AKAP13: variants seen among roughly 807,000 people sequenced by gnomAD.
AKAP13 encodes A-kinase anchoring protein 13.
Under a neutral mutation model 264.5 loss-of-function variants are expected in AKAP13, and 80 were observed. That is an observed-to-expected ratio of 0.30 (90% CI 0.25 to 0.36). AKAP13 has a LOEUF of 0.36. Ranked by LOEUF, AKAP13 falls within the 10% of genes least tolerant of loss-of-function variation. The probability of loss-of-function intolerance (pLI) is 1.00; values close to 1 mark genes in which losing one functional copy is unlikely to be tolerated. For missense variants in AKAP13, 3,712 were observed against 3,435.2 expected, an observed-to-expected ratio of 1.08 and a Z score of -2.01; for synonymous variants, 1,380 against 1,250.2, an observed-to-expected ratio of 1.10 and a Z score of -2.19.
intron 2 of AKAP13, among the ~76,000 whole-genome samples, chr15:85,496,480 A>G (rs1255638497): frequency 6.6e-6 from 1 of 152,220 alleles, no homozygotes; most frequent in Non-Finnish European, 1.5e-5. Context: ...TCAGTTAAAA[A>G]AATTTATTCC....
chr15:85,666,698 G>A (rs1267447245), intron 13 of AKAP13, among the ~76,000 whole-genome samples: 2 of 152,186 alleles, frequency 1.3e-5, no homozygotes, highest in African/African-American at 2.4e-5. Flanking sequence ...ACAGGTGTGA[G>A]CCACTGTGCC....
At chr15:85,582,999 ATAAAAC>A (rs2079186615) in intron 7 of AKAP13, 2 of 985,342 alleles carry the variant, frequency 2.0e-6, no homozygotes, top group African/African-American at 3.5e-5. Flanking sequence ...AACTATCTGA[ATAAAAC>A]TTCTTAACGG....
intron 9 of AKAP13, among the ~76,000 whole-genome samples, chr15:85,640,778 A>C (rs961672258): frequency 2.0e-5 from 3 of 152,208 alleles, no homozygotes; most frequent in Admixed American, 6.5e-5. Context: ...TCTGCCAAGT[A>C]AAGGTTAAAT....
intron 14 of AKAP13, among the ~76,000 whole-genome samples, chr15:85,678,206 G>A (rs1243278868): frequency 2.0e-5 from 3 of 152,120 alleles, no homozygotes; most frequent in Non-Finnish European, 4.4e-5. Context: ...ATAATAGAAA[G>A]TTAAATAAAA....
At chr15:85,742,275 C>A (rs912100914) in intron 35 of AKAP13, among the ~76,000 whole-genome samples, 1 of 152,180 alleles carries the variant, frequency 6.6e-6, no homozygotes, top group African/African-American at 2.4e-5. Context: ...AGCAACGCCA[C>A]TGCTCTGTGC....
intron 8 of AKAP13, among the ~76,000 whole-genome samples, chr15:85,610,700 G>A (rs2080567897): frequency 6.6e-6 from 1 of 152,248 alleles, no homozygotes; most frequent in South Asian, 2.1e-4. Flanking sequence ...TAAGGGCCGG[G>A]CGTGGTGGCT....
chr15:85,681,045 T>G (rs2084569192), intron 14 of AKAP13, among the ~76,000 whole-genome samples: 1 of 152,194 alleles, frequency 6.6e-6, no homozygotes, highest in African/African-American at 2.4e-5. Flanking sequence ...CTTAAACTCC[T>G]GACCTCAAGT....
intron 5 of AKAP13, among the ~76,000 whole-genome samples, chr15:85,559,920 G>A (rs2078299928): frequency 6.6e-6 from 1 of 151,980 alleles, no homozygotes; most frequent in Admixed American, 6.6e-5. Flanking sequence ...CATCTGGGGG[G>A]TGAGAAGGTT....
intron 5 of AKAP13, among the ~76,000 whole-genome samples, chr15:85,562,584 T>G (rs367931370): frequency 8.7e-6 from 1 of 114,306 alleles, no homozygotes; most frequent in African/African-American, 3.3e-5. Flanking sequence ...AATATATATA[T>G]ATATATATAT....
At chr15:85,723,366 G>A in intron 26 of AKAP13, 46 bp downstream of exon 26, 1 of 1,585,670 alleles carries the variant, frequency 6.3e-7, no homozygotes, top group Admixed American at 1.8e-5. Flanking sequence ...AGGTAAAACA[G>A]GCAAAAATCC....
chr15:85,385,501 C>T (rs1191042977), intron 1 of AKAP13, among the ~76,000 whole-genome samples: 1 of 152,168 alleles, frequency 6.6e-6, no homozygotes, highest in African/African-American at 2.4e-5. Flanking sequence ...GTCCCTTCAT[C>T]CTCCAGAATT....
chr15:85,494,527 G>A (rs2075819266), intron 2 of AKAP13, among the ~76,000 whole-genome samples: 1 of 152,182 alleles, frequency 6.6e-6, no homozygotes, highest in African/African-American at 2.4e-5. Context: ...CTACACCCAA[G>A]TGAATGTCCC....
chr15:85,406,818 C>T (rs2071691370), intron 1 of AKAP13, among the ~76,000 whole-genome samples: 1 of 151,564 alleles, frequency 6.6e-6, no homozygotes, highest in Non-Finnish European at 1.5e-5. Context: ...GAGAAAAATG[C>T]ATAATAAAAG....
At chr15:85,577,863 C>G (rs917217080) in intron 6 of AKAP13, 1 of 978,942 alleles carries the variant, frequency 1.0e-6, no homozygotes, top group East Asian at 1.1e-4. Context: ...TTAAAGGACA[C>G]TGAACTCAGT....
chr15:85,396,487 C>T (rs1263822000), intron 1 of AKAP13, among the ~76,000 whole-genome samples: 2 of 152,180 alleles, frequency 1.3e-5, no homozygotes, highest in Non-Finnish European at 2.9e-5. Context: ...TCTCTACATG[C>T]ATTATTTTAA....
chr15:85,587,751 A>T (rs963717283), intron 8 of AKAP13, among the ~76,000 whole-genome samples: 6 of 152,244 alleles, frequency 3.9e-5, no homozygotes, highest in Non-Finnish European at 5.9e-5. Context: ...GGTTGAAGCG[A>T]TTCTCTTGTC....
chr15:85,397,883 A>G (rs1195625610), intron 1 of AKAP13, among the ~76,000 whole-genome samples: 1 of 152,224 alleles, frequency 6.6e-6, no homozygotes, highest in East Asian at 1.9e-4. Context: ...AATTGCCATC[A>G]TTTATTATTA....
chr15:85,725,335 T>A (rs1050863152), intron 26 of AKAP13, among the ~76,000 whole-genome samples: 4 of 151,866 alleles, frequency 2.6e-5, no homozygotes, highest in Admixed American at 2.6e-4. Flanking sequence ...ACTGATCATA[T>A]AAACTTCAAG....
intron 1 of AKAP13, among the ~76,000 whole-genome samples, chr15:85,462,869 A>C (rs1413554186): frequency 6.6e-6 from 1 of 150,766 alleles, no homozygotes; most frequent in African/African-American, 2.4e-5. Context: ...CTAAAAATAC[A>C]AAAAATTAGC....
Sources: gnomAD v4.1 joint callset for allele counts (sites outside exome capture counted in the v4.1 genomes callset) on GRCh38, gnomAD v4.1.1 for gene constraint, MANE v1.5 for transcripts, NCBI Gene and HGNC (gene_info 2026-07-23, HGNC 2026-07-21) for gene names.